The following IMMP2L variants were observed in gnomAD, a reference collection of about 807,000 sequenced individuals.
The protein encoded by IMMP2L is inner mitochondrial membrane peptidase subunit 2.
A neutral mutation model predicts 19.3 loss-of-function variants in IMMP2L; 18 were observed. The ratio of observed to expected loss-of-function variants is 0.93; its 90% CI spans 0.64 to 1.38. IMMP2L has a LOEUF of 1.38. IMMP2L is among the 40% of genes most tolerant of loss of function. The pLI is 0.00. For synonymous variants in IMMP2L, 76 were observed against 73.0 expected (o/e 1.04, Z -0.21); for missense variants, 233 against 218.2 (o/e 1.07, Z -0.43).
intron 3 of IMMP2L, among the ~76,000 whole-genome samples, chr7:111,253,409 C>G (rs1167459128): frequency 6.6e-6 from 1 of 152,054 alleles, no homozygotes; most frequent in Non-Finnish European, 1.5e-5. Flanking sequence ...TTAGGGAGGG[C>G]TGTCAGGGAA....
chr7:110,889,961 T>TAAA (rs1425511312), intron 4 of IMMP2L, among the ~76,000 whole-genome samples: 8 of 152,210 alleles, frequency 5.3e-5, no homozygotes, highest in Admixed American at 5.2e-4. Flanking sequence ...ATAGTTCTGA[T>TAAA]GTATAGTCAG....
intron 4 of IMMP2L, among the ~76,000 whole-genome samples, chr7:110,954,822 G>A (rs970788409): frequency 6.6e-5 from 10 of 151,968 alleles, no homozygotes; most frequent in Non-Finnish European, 1.0e-4. Flanking sequence ...GTGGACTAAG[G>A]TAGAAAATAA....
chr7:111,250,449 C>T (rs1815969515), intron 3 of IMMP2L, among the ~76,000 whole-genome samples: 1 of 152,136 alleles, frequency 6.6e-6, no homozygotes, highest in African/African-American at 2.4e-5. Context: ...ATAGCCACAA[C>T]AATCCTAAGC....
intron 3 of IMMP2L, among the ~76,000 whole-genome samples, chr7:111,202,631 A>C (rs1159211788): frequency 3.3e-5 from 5 of 152,232 alleles, no homozygotes; most frequent in African/African-American, 9.6e-5. Flanking sequence ...AGACTGGCTA[A>C]AACAGTGCTA....
chr7:111,157,168 G>A (rs1804730609), intron 3 of IMMP2L, among the ~76,000 whole-genome samples: 1 of 152,034 alleles, frequency 6.6e-6, no homozygotes, highest in African/African-American at 2.4e-5. Flanking sequence ...ACAGTTTGGA[G>A]GCTCCTCATA....
At chr7:110,893,332 A>G (rs1175466943) in intron 4 of IMMP2L, among the ~76,000 whole-genome samples, 1 of 152,196 alleles carries the variant, frequency 6.6e-6, no homozygotes, top group Non-Finnish European at 1.5e-5. Context: ...TCTACAAAGT[A>G]CAATTAAGGG....
At chr7:110,878,110 G>C (rs1809259046) in intron 5 of IMMP2L, among the ~76,000 whole-genome samples, 1 of 150,052 alleles carries the variant, frequency 6.7e-6, no homozygotes, top group Non-Finnish European at 1.5e-5. Context: ...GTAGCTGAGT[G>C]CCCCTGTCCT....
At chr7:111,498,956 G>C (rs1222984130) in intron 2 of IMMP2L, among the ~76,000 whole-genome samples, 3 of 152,040 alleles carry the variant, frequency 2.0e-5, no homozygotes, top group African/African-American at 7.2e-5. Flanking sequence ...AGATAAAAAG[G>C]GGGAAAAAAG....
chr7:111,312,848 T>C lies in IMMP2L; in HGVS notation c.239+174390A>G, dbSNP rs934425122. On this transcript the variant is annotated intron_variant, in intron 3 of 5. Transcript: ENST00000405709. ...CTCCTAAAACCACTCCTGGTTATTGTTCACTAAAGAAAGCAGAAACTACTA... is the reference window on the plus strand; with the variant it reads ...CTCCTAAAACCACTCCTGGTTATTGCTCACTAAAGAAAGCAGAAACTACTA... Among the ~76,000 whole-genome samples the C allele has an allele frequency of 9.2e-5, 14 of 152,108 alleles. No individual in the cohort carries two copies. In the East Asian group the frequency reaches 1.9e-3, roughly 21 times the overall value.
At chr7:111,384,127 G>C (rs2131258185) in intron 3 of IMMP2L, among the ~76,000 whole-genome samples, 1 of 151,618 alleles carries the variant, frequency 6.6e-6, no homozygotes, top group East Asian at 1.9e-4. Context: ...CCGCGTGGCA[G>C]AGTGAGAGCC....
intron 3 of IMMP2L, among the ~76,000 whole-genome samples, chr7:111,261,042 C>G (rs934402808): frequency 3.3e-5 from 5 of 152,064 alleles, no homozygotes; most frequent in Non-Finnish European, 7.4e-5. Flanking sequence ...AAAAAAGATG[C>G]CCTTCTCTAG....
intron 1 of IMMP2L, among the ~76,000 whole-genome samples, chr7:111,545,506 T>C (rs549941494): frequency 1.6e-4 from 24 of 152,266 alleles, no homozygotes; most frequent in African/African-American, 4.3e-4. Context: ...TTCTCCTGCC[T>C]CAGCCTCCTG....
At chr7:111,536,974 T>A (rs185952743) in intron 1 of IMMP2L, among the ~76,000 whole-genome samples, 22 of 152,066 alleles carry the variant, frequency 1.4e-4, no homozygotes, top group Admixed American at 1.2e-3. Context: ...AAAGGACATG[T>A]CAGGAAAAGC....
chr7:110,902,766 T>A (rs1381204585), intron 4 of IMMP2L, among the ~76,000 whole-genome samples: 11 of 69,404 alleles, frequency 1.6e-4, no homozygotes, highest in Non-Finnish European at 1.3e-4. Context: ...CTACTAAAAA[T>A]ACAAAAAAAA....
At chr7:111,021,409 C>A (rs961301364) in intron 3 of IMMP2L, among the ~76,000 whole-genome samples, 1 of 152,174 alleles carries the variant, frequency 6.6e-6, no homozygotes, top group African/African-American at 2.4e-5. Flanking sequence ...TCTGTTCTCA[C>A]GCTGCTAATA....
intron 3 of IMMP2L, among the ~76,000 whole-genome samples, chr7:111,408,252 T>C (rs986211567): frequency 1.3e-5 from 2 of 151,676 alleles, no homozygotes; most frequent in African/African-American, 4.9e-5. Flanking sequence ...TGATTATCTG[T>C]ATAGCCATTG....
At chr7:111,160,026 T>C (rs1180224341) in intron 3 of IMMP2L, among the ~76,000 whole-genome samples, 1 of 152,060 alleles carries the variant, frequency 6.6e-6, no homozygotes, top group African/African-American at 2.4e-5. Flanking sequence ...TACTAAATCA[T>C]ATGATTCTTA....
chr7:110,960,666 G>GA (rs770916203), intron 4 of IMMP2L, among the ~76,000 whole-genome samples: 14 of 147,790 alleles, frequency 9.5e-5, no homozygotes, highest in East Asian at 2.0e-4. Flanking sequence ...ATAGGCTCTT[G>GA]AAAAAAAAAC....
intron 3 of IMMP2L, among the ~76,000 whole-genome samples, chr7:111,445,480 C>A (rs1357444872): frequency 6.6e-6 from 1 of 151,744 alleles, no homozygotes; most frequent in Admixed American, 6.6e-5. Context: ...CAAAATCATA[C>A]AAGATCATGA....
Sources: gnomAD v4.1 joint callset for allele counts (sites outside exome capture counted in the v4.1 genomes callset) on GRCh38, gnomAD v4.1.1 for gene constraint, MANE v1.5 for transcripts, NCBI Gene and HGNC (gene_info 2026-07-23, HGNC 2026-07-21) for gene names.